ADAMTS7: variants seen among roughly 807,000 people sequenced by gnomAD.
ADAMTS7 encodes the protein A disintegrin and metalloproteinase with thrombospondin motifs 7.
ADAMTS7 carries 89 observed loss-of-function variants against 172.6 expected under a neutral mutation model. The ratio of observed to expected loss-of-function variants is 0.52; its 90% CI spans 0.43 to 0.61. The LOEUF is 0.61. Among genes scored for constraint, ADAMTS7 ranks in the 20% least tolerant of loss-of-function variants. The pLI is 0.00. For missense variants in ADAMTS7, 1,973 were observed against 2,355.6 expected, an observed-to-expected ratio of 0.84 and a Z score of 3.36; for synonymous variants, 885 against 978.4, an observed-to-expected ratio of 0.90 and a Z score of 1.78.
At chr15:78,783,611 T>A (rs1052011830) in intron 8 of ADAMTS7, among the ~76,000 whole-genome samples, 11 of 152,170 alleles carry the variant, frequency 7.2e-5, no homozygotes, top group Admixed American at 3.3e-4. Context: ...AATATTTTTT[T>A]AAAAATAACC....
chr15:78,770,863 G>C, intron 16 of ADAMTS7: 1 of 401,216 alleles, frequency 2.5e-6, no homozygotes, highest in South Asian at 4.8e-5. Context: ...AGTGTGGTGA[G>C]GGGCCACTGG....
At chr15:78,789,509 G>A (rs1351727635) in intron 7 of ADAMTS7, among the ~76,000 whole-genome samples, 180 bp downstream of exon 7, 1 of 152,240 alleles carries the variant, frequency 6.6e-6, no homozygotes, top group Non-Finnish European at 1.5e-5. Context: ...TGCTTTACAG[G>A]GAAGCAGCCT....
chr15:78,770,787 T>A (rs2055235430), intron 16 of ADAMTS7: 1 of 195,430 alleles, frequency 5.1e-6, no homozygotes. Context: ...GAGGGAAATT[T>A]GGGGAGGAAG....
intron 3 of ADAMTS7, among the ~76,000 whole-genome samples, chr15:78,797,514 A>G (rs2055661667): frequency 1.3e-5 from 2 of 152,220 alleles, no homozygotes; most frequent in South Asian, 2.1e-4. Flanking sequence ...CCAGGTCCCA[A>G]TAATAGAGGT....
chr15:78,760,888 C>T lies in ADAMTS7; in HGVS notation c.4904-1310G>A, dbSNP rs574375728. Reference sequence around the variant, plus strand: ...CCCGCCCCTGGGAGACCTTGCAAGCCCAGAGCCTCCTGGGCCATCCGTCCT... The same window carrying T: ...CCCGCCCCTGGGAGACCTTGCAAGCTCAGAGCCTCCTGGGCCATCCGTCCT... On this transcript the variant is annotated intron_variant, in intron 23 of 23. Transcript: ENST00000388820. Among the ~76,000 whole-genome samples, 43 of 152,172 alleles carry T rather than the reference C, an allele frequency of 2.8e-4. 1 individual carries two copies. The highest frequency in any genetic ancestry group is 4.6e-4 in the Admixed American group (7 of 15,286).
chr15:78,781,660 C>T (rs1296780652), intron 8 of ADAMTS7, among the ~76,000 whole-genome samples: 2 of 152,140 alleles, frequency 1.3e-5, no homozygotes, highest in African/African-American at 2.4e-5. Context: ...TGTTGGGCAG[C>T]ACCCTGGGTC....
rs76539006 is a variant in ADAMTS7 at position 78,768,226 on chromosome 15, C to G, written c.2552G>C (p.Arg851Pro). 1 of 1,610,782 alleles carries G rather than the reference C, an allele frequency of 6.2e-7. No homozygotes were observed. Among genetic ancestry groups the G allele is most frequent in the Non-Finnish European group, 8.5e-7 (1 of 1,179,642 alleles). ...VQRQNVYCLE[R>P]QAGPVDEEHC... ...CTCCTCGTCCACGGGCCCTGCCTGCCGCTCCAAGCAGTACACATTCTGCCT... is the reference window on the plus strand; with the variant it reads ...CTCCTCGTCCACGGGCCCTGCCTGCGGCTCCAAGCAGTACACATTCTGCCT... Residue 851 changes from arginine to proline, a missense_variant, in exon 17 of 24, where the codon CGG becomes CCG. Physicochemically the swap from Arg to Pro is moderately radical, Grantham distance 103. This residue lies in a region of ADAMTS7 where 771 missense variants were observed against 952.6 expected (regional missense o/e 0.81). Coordinates refer to ENST00000388820, the MANE Select transcript of ADAMTS7 (RefSeq NM_014272.5).
Position 78,766,112 on chromosome 15 carries a change from C to T in ADAMTS7, c.3799G>A (p.Ala1267Thr), listed in dbSNP as rs138786978. ...VAELWTGGTV[A>T]WEPALEGGLG... ...CCACCCTCCAGAGCTGGCTCCCAGG[C>T]CACTGTGCCTCCTGTCCACAGCTCC... The change falls in exon 19 of 24, where the codon GCC (alanine) becomes ACC (threonine). Residue 1267 changes from alanine to threonine, a missense_variant. Physicochemically the swap from Ala to Thr is moderately conservative, Grantham distance 58. Around this residue, in one of 8 missense-constraint regions of ADAMTS7, gnomAD observed 771 missense variants for 952.6 expected, o/e 0.81. Transcript: ENST00000388820. 1.2e-6 allele frequency: 2 copies of T among 1,611,020 alleles called. No individual in the cohort carries two copies. The highest frequency in any genetic ancestry group is 3.3e-5 in the Admixed American group (2 of 59,740).
At chr15:78,798,346 A>G (rs1228199251) in intron 2 of ADAMTS7, among the ~76,000 whole-genome samples, 1 of 152,116 alleles carries the variant, frequency 6.6e-6, no homozygotes, top group Non-Finnish European at 1.5e-5. Context: ...CGGAGCTCAG[A>G]AGCCTCCGCC....
At chr15:78,772,934 T>C in intron 14 of ADAMTS7, 149 bp downstream of exon 14, 3 of 1,090,402 alleles carry the variant, frequency 2.8e-6, no homozygotes, top group Non-Finnish European at 2.6e-6. Context: ...CCCTGACTCC[T>C]GCAAGAATCC....
chr15:78,790,631 C>G (rs1442217350), intron 6 of ADAMTS7, 39 bp downstream of exon 6: 1 of 1,609,556 alleles, frequency 6.2e-7, no homozygotes, highest in South Asian at 1.1e-5. Context: ...GGAAGCACCT[C>G]CTGAGATGCA....
At chr15:78,780,401 CCAGGGAT>C (rs1402704986) in intron 8 of ADAMTS7, among the ~76,000 whole-genome samples, 1 of 152,018 alleles carries the variant, frequency 6.6e-6, no homozygotes, top group Non-Finnish European at 1.5e-5. Context: ...CCTGGCCACC[CCAGGGAT>C]CTGGTCATGG....
In ADAMTS7 at chr15:78,776,208, C is replaced by T. The variant is rs753077594; in HGVS notation, c.1686G>A (p.Glu562=). 6.2e-7 allele frequency: 1 copy of T among 1,611,236 alleles called. No homozygotes were observed. Among genetic ancestry groups the T allele is most frequent in the East Asian group, 2.2e-5 (1 of 44,878 alleles). Residue 562 remains glutamate (E), a synonymous_variant, in exon 11 of 24, where the codon GAG becomes GAA. Coordinates refer to ENST00000388820, the MANE Select transcript of ADAMTS7 (RefSeq NM_014272.5). ...RSCGMGVQSA[E]RQCTQPTPKY... is the part of the protein sequence containing the mutation. ...CTCACGTAGGCTGCGTGCACTGCCG[C>T]TCGGCGCTCTGTACGCCCATGCCAC...
intron 8 of ADAMTS7, among the ~76,000 whole-genome samples, chr15:78,786,446 G>T (rs1293477876): frequency 6.6e-6 from 1 of 152,208 alleles, no homozygotes; most frequent in Non-Finnish European, 1.5e-5. Flanking sequence ...AGGGACAGGA[G>T]AGCACTGACA....
chr15:78,784,749 G>A (rs1234591184), intron 8 of ADAMTS7, among the ~76,000 whole-genome samples: 1 of 152,088 alleles, frequency 6.6e-6, no homozygotes, highest in Non-Finnish European at 1.5e-5. Context: ...AATCACAATG[G>A]TATGGGACCT....
At position 78,766,398 on chromosome 15, in the gene ADAMTS7, G is replaced by A. The variant is rs756835973; in HGVS notation, c.3513C>T (p.Leu1171=). The change falls in exon 19 of 24, where the codon CTC becomes CTT. Residue 1171 remains leucine (L), a synonymous_variant. Coordinates refer to ENST00000388820, the MANE Select transcript of ADAMTS7 (RefSeq NM_014272.5). The stretch of plus-strand genomic sequence containing the variant: ...AAACCCTGGGCCAGGACAGGCTGGG[G>A]AGCCCAAGATCTGGGGCCCCTATGG... The part of the protein sequence containing the change: ...DTPIGAPDLG[L]PSLSWPRVST... 4 of 1,606,602 alleles carry A rather than the reference G, an allele frequency of 2.5e-6. No individual in the cohort carries two copies. In the East Asian group the frequency reaches 6.7e-5, roughly 27 times the overall value.
At chr15:78,782,695 G>T (rs889951816) in intron 8 of ADAMTS7, among the ~76,000 whole-genome samples, 3 of 152,100 alleles carry the variant, frequency 2.0e-5, no homozygotes, top group East Asian at 1.9e-4. Context: ...AGAGCCAACT[G>T]CCTGCAGGGA....
chr15:78,789,782 A>G lies in ADAMTS7; in HGVS notation c.1085T>C (p.Val362Ala). The change falls in exon 7 of 24, where the codon GTG becomes GCG. Residue 362 changes from valine (V) to alanine (A), a missense_variant. Transcript: ENST00000388820. Reference sequence around the variant, plus strand: ...GCGGTGCGGCTGGCACATGCCCGCCACATGGGACAGTCCCAGGGTCTCACA... The same window carrying G: ...GCGGTGCGGCTGGCACATGCCCGCCGCATGGGACAGTCCCAGGGTCTCACA... ...RPCETLGLSH[V>A]AGMCQPHRSC... 1.9e-6 allele frequency: 3 copies of G among 1,609,720 alleles called. No homozygotes were observed. The highest frequency in any genetic ancestry group is 1.7e-6 in the Non-Finnish European group (2 of 1,178,326).
In ADAMTS7 at chr15:78,769,932, C is replaced by A. The variant is rs540392425; in HGVS notation, c.2518+1230G>T. Among the ~76,000 whole-genome samples, 167 of 152,284 alleles carry A rather than the reference C, an allele frequency of 1.1e-3. 4 individuals are homozygous for A. The South Asian group carries it at 0.021, about 19-fold the overall frequency. On this transcript the variant is annotated intron_variant, in intron 16 of 23. Transcript: ENST00000388820. The stretch of plus-strand genomic sequence containing the variant: ...ATCCCAGCACTATGGGAAGCCAAGG[C>A]GGGCAAATCACCTGAGGTCAGGAGT...
Sources: allele counts gnomAD v4.1 joint callset (sites outside exome capture counted in the v4.1 genomes callset), GRCh38; gene constraint gnomAD v4.1.1; regional missense constraint gnomAD v4.1.1; transcripts MANE v1.5; gene names NCBI Gene and HGNC (gene_info 2026-07-23, HGNC 2026-07-21).